Variants in EYS observed in about 807,000 individuals in gnomAD.
The protein encoded by EYS is EGF-like photoreceptor maintenance factor, also known as protein eyes shut homolog.
In EYS, 250 loss-of-function variants were observed where a neutral mutation model predicts 282.1. The observed-to-expected ratio is 0.89, with a 90% CI of 0.80 to 0.98. The LOEUF (loss-of-function observed/expected upper bound fraction) is 0.98. EYS is among the 50% of genes least tolerant of loss of function. EYS has a pLI of 0.00. For synonymous variants in EYS, 1,355 were observed against 1,282.9 expected (o/e 1.06, Z -1.20); for missense variants, 4,016 against 3,709.0 (o/e 1.08, Z -2.15).
intron 12 of EYS, among the ~76,000 whole-genome samples, chr6:65,185,462 C>T (rs1765494874): frequency 1.3e-5 from 2 of 151,842 alleles, no homozygotes; most frequent in African/African-American, 4.8e-5. Context: ...TCTATTGCAT[C>T]ACATTTGTTC....
chr6:64,396,736 G>T (rs1306875797), intron 28 of EYS, among the ~76,000 whole-genome samples: 1 of 152,002 alleles, frequency 6.6e-6, no homozygotes, highest in African/African-American at 2.4e-5. Context: ...ATATATGTAG[G>T]TCTGTTTCTA....
intron 12 of EYS, among the ~76,000 whole-genome samples, chr6:65,085,934 C>T (rs1475691024): frequency 9.5e-6 from 1 of 104,884 alleles, no homozygotes; most frequent in Non-Finnish European, 2.0e-5. Context: ...CTCTCCCTTC[C>T]CTTCCCAAAA....
intron 19 of EYS, among the ~76,000 whole-genome samples, chr6:64,836,944 G>T (rs2643783): frequency 0.71 from 107,564 of 151,440 alleles, 38,580 homozygotes; most frequent in Admixed American, 0.76. Context: ...TTATAGTATA[G>T]CCTCATGATG....
In EYS at chr6:64,775,974, C is replaced by T. The variant is rs540366271; in HGVS notation, c.3443+37404G>A. 5.3e-5 allele frequency among the ~76,000 whole-genome samples: 8 copies of T among 152,088 alleles called. No individual in the cohort carries two copies. In the East Asian group the frequency reaches 1.5e-3, roughly 29 times the overall value. On this transcript the variant is annotated intron_variant, in intron 22 of 42. Transcript: ENST00000503581. ...TATATCAGGTTCTATCTCTACACAC[C>T]CTTTACTATTATCAACTTGTAAAAT... is the stretch of plus-strand genomic sequence containing the variant.
At chr6:64,171,429 G>A (rs1446587843) in intron 31 of EYS, among the ~76,000 whole-genome samples, 2 of 152,180 alleles carry the variant, frequency 1.3e-5, no homozygotes, top group African/African-American at 2.4e-5. Context: ...AAATGAATGA[G>A]TTGGTTGAAT....
At chr6:64,443,616 G>C (rs1348923522) in intron 26 of EYS, among the ~76,000 whole-genome samples, 2 of 152,170 alleles carry the variant, frequency 1.3e-5, no homozygotes, top group Non-Finnish European at 2.9e-5. Flanking sequence ...ATGGGGACAG[G>C]TCTTTCCTGT....
chr6:64,594,566 T>C (rs1167424933), intron 24 of EYS, among the ~76,000 whole-genome samples: 1 of 151,770 alleles, frequency 6.6e-6, no homozygotes, highest in East Asian at 1.9e-4. Flanking sequence ...CTGGAAACCA[T>C]CATTCTCAGC....
chr6:63,726,315 A>G (rs1486148515), intron 42 of EYS, among the ~76,000 whole-genome samples: 3 of 152,168 alleles, frequency 2.0e-5, no homozygotes, highest in Non-Finnish European at 2.9e-5. Flanking sequence ...TAGATTTTGC[A>G]AACTTTAATT....
intron 35 of EYS, among the ~76,000 whole-genome samples, chr6:63,869,919 TA>T (rs563921263): frequency 2.2e-4 from 33 of 152,046 alleles, no homozygotes; most frequent in African/African-American, 7.0e-4. Context: ...CCTCCCCCCA[TA>T]AAAAAAATCT....
At chr6:63,791,744 C>A (rs550412842) in intron 37 of EYS, among the ~76,000 whole-genome samples, 1 of 152,096 alleles carries the variant, frequency 6.6e-6, no homozygotes, top group African/African-American at 2.4e-5. Flanking sequence ...TCTTAGGAAT[C>A]ATGAAAGGAT....
At chr6:64,510,293 GAT>G (rs1429031585) in intron 26 of EYS, among the ~76,000 whole-genome samples, 1 of 152,000 alleles carries the variant, frequency 6.6e-6, no homozygotes, top group African/African-American at 2.4e-5. Context: ...TTTATGAAGT[GAT>G]ATGAAAGATT....
At chr6:63,970,141 G>A (rs1312845775) in intron 35 of EYS, among the ~76,000 whole-genome samples, 2 of 152,188 alleles carry the variant, frequency 1.3e-5, no homozygotes, top group Non-Finnish European at 2.9e-5. Flanking sequence ...TGTAATCTGT[G>A]ACTCCAGGGC....
intron 34 of EYS, among the ~76,000 whole-genome samples, chr6:63,991,025 C>G (rs1767580872): frequency 6.6e-6 from 1 of 151,664 alleles, no homozygotes; most frequent in Non-Finnish European, 1.5e-5. Context: ...CTCTAGAAGT[C>G]TGAGGGCTTC....
At chr6:65,234,480 T>G (rs948022139) in intron 12 of EYS, among the ~76,000 whole-genome samples, 1 of 152,188 alleles carries the variant, frequency 6.6e-6, no homozygotes, top group African/African-American at 2.4e-5. Flanking sequence ...TTCTATATAT[T>G]GTGAAGTGAT....
intron 31 of EYS, among the ~76,000 whole-genome samples, chr6:64,138,116 C>T (rs1026974035): frequency 6.6e-6 from 1 of 152,034 alleles, no homozygotes; most frequent in South Asian, 2.1e-4. Context: ...ATTGACCATT[C>T]CTAAACTCAA....
At chr6:64,270,926 T>C (rs1456585589) in intron 30 of EYS, among the ~76,000 whole-genome samples, 1 of 152,208 alleles carries the variant, frequency 6.6e-6, no homozygotes, top group African/African-American at 2.4e-5. Context: ...ATGTACACTG[T>C]ATTATTCATT....
chr6:65,556,848 T>C (rs528279262), intron 2 of EYS, among the ~76,000 whole-genome samples: 32 of 152,272 alleles, frequency 2.1e-4, no homozygotes, highest in African/African-American at 7.5e-4. Context: ...ACTTAATGAA[T>C]ATGAACCTTA....
intron 31 of EYS, among the ~76,000 whole-genome samples, chr6:64,197,715 C>T (rs1182726811): frequency 6.6e-6 from 1 of 150,950 alleles, no homozygotes; most frequent in Non-Finnish European, 1.5e-5. Context: ...TATATGGTAT[C>T]TCTTTTTAAT....
chr6:65,617,259 A>G (rs952662337), intron 2 of EYS, among the ~76,000 whole-genome samples: 21 of 152,182 alleles, frequency 1.4e-4, no homozygotes, highest in Non-Finnish European at 2.6e-4. Context: ...GGTTGACAAT[A>G]TAACAAGAGC....
Sources: allele counts gnomAD v4.1 joint callset (sites outside exome capture counted in the v4.1 genomes callset), GRCh38; gene constraint gnomAD v4.1.1; transcripts MANE v1.5; gene names NCBI Gene and HGNC (gene_info 2026-07-23, HGNC 2026-07-21).